PTPN13: variants seen among roughly 807,000 people sequenced by gnomAD.
PTPN13 encodes tyrosine-protein phosphatase non-receptor type 13.
PTPN13 carries 191 observed loss-of-function variants against 284.0 expected under a neutral mutation model. The observed-to-expected ratio is 0.67, with a 90% confidence interval of 0.60 to 0.76. The LOEUF (loss-of-function observed/expected upper bound fraction) is 0.76, where lower values mean the gene tolerates loss of function less well. Ranked by LOEUF, PTPN13 falls within the 30% of genes least tolerant of loss-of-function variation. PTPN13 has a pLI of 0.00. For synonymous variants in PTPN13, 986 were observed against 1,022.3 expected, an observed-to-expected ratio of 0.96 and a Z score of 0.68; for missense variants, 2,797 against 2,939.9, an observed-to-expected ratio of 0.95 and a Z score of 1.12.
intron 10 of PTPN13, among the ~76,000 whole-genome samples, chr4:86,728,407 A>G (rs1305357511): frequency 6.7e-6 from 1 of 148,896 alleles, no homozygotes; most frequent in Admixed American, 6.7e-5. Flanking sequence ...TAATACTGAC[A>G]ATGGAGTGTT....
At position 86,624,279 on chromosome 4, in the gene PTPN13, C is replaced by T. The variant is rs555956282; in HGVS notation, c.-5-10973C>T. On this transcript the variant is annotated intron_variant, in intron 1 of 47. Coordinates refer to ENST00000411767, the MANE Select transcript of PTPN13 (RefSeq NM_080683.3). ...CAGTATCCTCCAAGCAAATCTTTGA[C>T]TTCTCTCTACTTATTTGTTGGTTGC... 9.9e-5 allele frequency among the ~76,000 whole-genome samples: 15 copies of T among 152,202 alleles called. No homozygotes were observed. In the South Asian group the frequency reaches 3.1e-3, roughly 32 times the overall value.
At chr4:86,801,194 A>G (rs1309184510) in intron 42 of PTPN13, among the ~76,000 whole-genome samples, 4 of 152,182 alleles carry the variant, frequency 2.6e-5, no homozygotes, top group African/African-American at 4.8e-5. Context: ...TCAACTCCCA[A>G]AGAATTCAAG....
Position 86,653,486 on chromosome 4 carries a change from G to A in PTPN13, c.115+18115G>A, listed in dbSNP as rs79181741. On this transcript the variant is annotated intron_variant, in intron 2 of 47. Coordinates refer to ENST00000411767, the MANE Select transcript of PTPN13 (RefSeq NM_080683.3). ...TAGGGGGCGCCCTAAGCTCCGGAGC[G>A]CCTCAACTCTTTTTTTTTTTTTTGA... Among the ~76,000 whole-genome samples, 928 of 146,578 alleles carry A rather than the reference G, an allele frequency of 6.3e-3. 13 individuals carry two copies. Among genetic ancestry groups the A allele is most frequent in the African/African-American group, 0.022 (867 of 39,282 alleles).
intron 10 of PTPN13, among the ~76,000 whole-genome samples, chr4:86,727,902 A>C (rs1172690225): frequency 6.7e-6 from 1 of 148,498 alleles, no homozygotes; most frequent in Non-Finnish European, 1.5e-5. Flanking sequence ...TTTAATTGTG[A>C]TGTTAGGGTG....
intron 7 of PTPN13, among the ~76,000 whole-genome samples, chr4:86,715,519 G>A (rs1732920083): frequency 6.6e-6 from 1 of 152,130 alleles, no homozygotes; most frequent in Non-Finnish European, 1.5e-5. Flanking sequence ...TTGAACCCAG[G>A]AGTCCAGCAC....
At chr4:86,717,576 G>C (rs1200282733) in intron 9 of PTPN13, among the ~76,000 whole-genome samples, 1 of 151,832 alleles carries the variant, frequency 6.6e-6, no homozygotes, top group Non-Finnish European at 1.5e-5. Context: ...AAAGTTCTCA[G>C]AAATTCATCA....
chr4:86,814,678 G>C lies in PTPN13; in HGVS notation c.*127G>C. 2 of 635,192 alleles carry C rather than the reference G, an allele frequency of 3.1e-6. No homozygotes were observed. Among genetic ancestry groups the C allele is most frequent in the Non-Finnish European group, 5.5e-6 (2 of 366,222 alleles). The allele number at this position is 635,192 out of a possible 1,614,324, so 39.3% of individuals were successfully genotyped here. On this transcript the variant is annotated 3_prime_UTR_variant, in exon 48 of 48. Coordinates refer to ENST00000411767, the MANE Select transcript of PTPN13 (RefSeq NM_080683.3). ...AACATGCATGTTCTCCTCTATCTTA[G>C]AGGGGTATTCTTCTTGAAAATAAAA... is the stretch of plus-strand genomic sequence containing the variant.
At chr4:86,612,822 C>T (rs1034032487) in intron 1 of PTPN13, among the ~76,000 whole-genome samples, 1 of 152,312 alleles carries the variant, frequency 6.6e-6, no homozygotes, top group East Asian at 1.9e-4. Flanking sequence ...ATAGTGACAT[C>T]TTTAAAGTGC....
chr4:86,637,735 CA>C (rs1723200748), intron 2 of PTPN13, among the ~76,000 whole-genome samples: 1 of 143,618 alleles, frequency 7.0e-6, no homozygotes, highest in African/African-American at 2.6e-5. Flanking sequence ...ACTGAATGGG[CA>C]AAAACTGGAA....
chr4:86,735,583 C>A lies in PTPN13; in HGVS notation c.2152-11C>A, dbSNP rs199945059. The stretch of plus-strand genomic sequence containing the variant: ...GCAAACAATTGCTTATGAAAACATT[C>A]TTTTATCTAGGTTCATGGTGTGTCT... On this transcript the variant is annotated splice_polypyrimidine_tract_variant and intron_variant, in intron 14 of 47. Coordinates refer to ENST00000411767, the MANE Select transcript of PTPN13 (RefSeq NM_080683.3). 13 of 1,602,986 alleles carry A rather than the reference C, an allele frequency of 8.1e-6. No homozygotes were observed. Among genetic ancestry groups the A allele is most frequent in the African/African-American group, 2.7e-5 (2 of 74,192 alleles).
chr4:86,809,962 G>T lies in PTPN13; in HGVS notation c.7277G>T (p.Gly2426Val). The change falls in exon 46 of 48, where the codon GGA becomes GTA. Residue 2426 changes from glycine (G) to valine (V), a missense_variant. Gly to Val is a moderately radical substitution (Grantham distance 109). Transcript: ENST00000411767. ...GTLICIDVVL[G>V]LISQDLDFDI... ...CTGATTTGCATAGATGTGGTTCTGG[G>T]ATTAATCAGTCAGGATCTTGATGTG... 5.0e-6 allele frequency: 8 copies of T among 1,613,880 alleles called. No homozygotes were observed. The highest frequency in any genetic ancestry group is 6.8e-6 in the Non-Finnish European group (8 of 1,179,828).
intron 17 of PTPN13, among the ~76,000 whole-genome samples, chr4:86,748,935 G>A (rs553503376): frequency 1.9e-4 from 29 of 152,308 alleles, no homozygotes; most frequent in Middle Eastern, 3.4e-3. Flanking sequence ...GATTACAGGC[G>A]TGAGCCACTG....
intron 1 of PTPN13, among the ~76,000 whole-genome samples, chr4:86,633,635 G>C (rs1722705357): frequency 6.6e-6 from 1 of 152,148 alleles, no homozygotes; most frequent in Non-Finnish European, 1.5e-5. Context: ...CCAGTTCTCA[G>C]ACATATTACT....
chr4:86,664,731 G>A (rs1297157744), intron 2 of PTPN13, among the ~76,000 whole-genome samples: 1 of 152,224 alleles, frequency 6.6e-6, no homozygotes, highest in East Asian at 1.9e-4. Flanking sequence ...AAAGGTGGAA[G>A]TGAAAGGCAA....
rs150786404 is a variant in PTPN13 at position 86,678,478 on chromosome 4, A to T, written c.294+5935A>T. ...CTTCTTTCTAAAGGGCTAAAAAGTG[A>T]TTGACTATTTGCTGACAGATCCCAA... On this transcript the variant is annotated intron_variant, in intron 3 of 47. Transcript: ENST00000411767. Among the ~76,000 whole-genome samples, 3 of 152,346 alleles carry T rather than the reference A, an allele frequency of 2.0e-5. No homozygotes were observed. The East Asian group carries it at 5.8e-4, about 29-fold the overall frequency.
chr4:86,797,685 G>A (rs1743508091), intron 41 of PTPN13, among the ~76,000 whole-genome samples: 1 of 151,854 alleles, frequency 6.6e-6, no homozygotes, highest in African/African-American at 2.4e-5. Context: ...CACCTATTGG[G>A]TTATGGGTCA....
At chr4:86,770,347 C>A in intron 30 of PTPN13, 148 bp downstream of exon 30, 1 of 644,166 alleles carries the variant, frequency 1.6e-6, no homozygotes, top group Non-Finnish European at 2.7e-6. Context: ...TTGTATGTGA[C>A]AACTTCTTTG....
chr4:86,688,528 T>A (rs1238189357), intron 4 of PTPN13, among the ~76,000 whole-genome samples: 3 of 152,082 alleles, frequency 2.0e-5, no homozygotes, highest in African/African-American at 7.2e-5. Flanking sequence ...AACATAATGA[T>A]AATTTATATT....
chr4:86,731,041 T>A (rs1734887883), intron 10 of PTPN13, among the ~76,000 whole-genome samples: 1 of 152,234 alleles, frequency 6.6e-6, no homozygotes, highest in Admixed American at 6.5e-5. Context: ...TTTACATAAA[T>A]GGTATCTGTC....
Sources: gnomAD v4.1 joint callset for allele counts (sites outside exome capture counted in the v4.1 genomes callset) on GRCh38, gnomAD v4.1.1 for gene constraint, MANE v1.5 for transcripts, NCBI Gene and HGNC (gene_info 2026-07-23, HGNC 2026-07-21) for gene names.